Variants in MACC1 observed in about 807,000 individuals in gnomAD.
The protein encoded by MACC1 is MET transcriptional regulator MACC1, also known as metastasis-associated in colon cancer protein 1.
A neutral mutation model predicts 70.7 loss-of-function variants in MACC1; 79 were observed. The ratio of observed to expected loss-of-function variants is 1.12; its 90% confidence interval spans 0.93 to 1.35. MACC1 has a LOEUF of 1.35. Ranked by LOEUF, MACC1 falls within the 40% of genes most tolerant of loss-of-function variation. The probability of loss-of-function intolerance (pLI) is 0.00; values close to 1 mark genes in which losing one functional copy is unlikely to be tolerated. For synonymous variants in MACC1, 361 were observed against 347.2 expected (o/e 1.04, Z -0.44); for missense variants, 1,106 against 978.1 (o/e 1.13, Z -1.74).
chr7:20,207,944 T>C (rs961116065), intron 1 of MACC1, among the ~76,000 whole-genome samples: 3 of 152,148 alleles, frequency 2.0e-5, no homozygotes, highest in Non-Finnish European at 2.9e-5. Flanking sequence ...TGGGAGGTAA[T>C]TGAATCATGG....
Position 20,147,522 on chromosome 7 carries a change from C to T in MACC1, c.2347-6364G>A, listed in dbSNP as rs569141492. 2.0e-5 allele frequency: 3 copies of T among 152,278 alleles called. No homozygotes were observed. The South Asian group carries it at 6.2e-4, about 32-fold the overall frequency. The allele number at this position is 152,278 out of a possible 1,614,324, so 9.4% of individuals were successfully genotyped here. On this transcript the variant is annotated intron_variant, in intron 6 of 6. Coordinates refer to ENST00000400331, the MANE Select transcript of MACC1 (RefSeq NM_182762.4). ...TTCATGTGTTCTATCCTCAGTACAT[C>T]ATTTACAATATTCAGGTAAGCTTTA... is the stretch of plus-strand genomic sequence containing the variant.
intron 1 of MACC1, among the ~76,000 whole-genome samples, chr7:20,208,640 C>T (rs1476363662): frequency 6.6e-6 from 1 of 152,158 alleles, no homozygotes; most frequent in Non-Finnish European, 1.5e-5. Flanking sequence ...AATGTGCAGT[C>T]TGATGATGTG....
chr7:20,201,096 T>TC (rs1782827226), intron 1 of MACC1, among the ~76,000 whole-genome samples: 1 of 152,056 alleles, frequency 6.6e-6, no homozygotes, highest in East Asian at 1.9e-4. Context: ...TGAATCAAAT[T>TC]TAAGTGAATC....
intron 1 of MACC1, among the ~76,000 whole-genome samples, chr7:20,216,315 A>T (rs1473581964): frequency 6.6e-6 from 1 of 152,112 alleles, no homozygotes; most frequent in African/African-American, 2.4e-5. Flanking sequence ...TTAAAAATAA[A>T]TTTTTTAAAA....
intron 6 of MACC1, among the ~76,000 whole-genome samples, chr7:20,144,993 C>A (rs566211486): frequency 6.6e-6 from 1 of 152,278 alleles, no homozygotes; most frequent in Admixed American, 6.5e-5. Flanking sequence ...AAAGGACATG[C>A]ATTGGCTTGC....
At chr7:20,183,230 G>C (rs1354295637) in intron 1 of MACC1, among the ~76,000 whole-genome samples, 5 of 152,312 alleles carry the variant, frequency 3.3e-5, no homozygotes, top group Admixed American at 1.3e-4. Context: ...AGAAGAATTT[G>C]ACAAACCATT....
intron 1 of MACC1, among the ~76,000 whole-genome samples, chr7:20,215,088 TTA>T (rs749148407): frequency 2.0e-5 from 3 of 151,364 alleles, no homozygotes; most frequent in African/African-American, 4.8e-5. Context: ...GTTTATTTAT[TTA>T]TTTATTTATT....
At chr7:20,203,016 AT>A (rs1313116280) in intron 1 of MACC1, among the ~76,000 whole-genome samples, 1 of 152,154 alleles carries the variant, frequency 6.6e-6, no homozygotes, top group Non-Finnish European at 1.5e-5. Flanking sequence ...GTACAATTGT[AT>A]TTTTGTCCAC....
chr7:20,211,015 T>C (rs1782988986), intron 1 of MACC1, among the ~76,000 whole-genome samples: 1 of 152,182 alleles, frequency 6.6e-6, no homozygotes, highest in South Asian at 2.1e-4. Flanking sequence ...GAGATCTGCC[T>C]CCTATTATGT....
rs1037897924 is a variant in MACC1, at chr7:20,140,674, C to T, written c.*272G>A. 6.9e-5 allele frequency: 23 copies of T among 332,908 alleles called. No individual in the cohort carries two copies. In the East Asian group the frequency reaches 1.1e-3, roughly 16 times the overall value. The allele number at this position is 332,908 out of a possible 1,614,324, so 20.6% of individuals were successfully genotyped here. On this transcript the variant is annotated 3_prime_UTR_variant, in exon 7 of 7. Coordinates refer to ENST00000400331, the MANE Select transcript of MACC1 (RefSeq NM_182762.4). ...CTAATACTTGTATTTGAAACATACACAAAAATACATATTTGAGGATAAAAC... is the reference window on the plus strand; with the variant it reads ...CTAATACTTGTATTTGAAACATACATAAAAATACATATTTGAGGATAAAAC...
At chr7:20,143,926 T>C (rs1781848342) in intron 6 of MACC1, among the ~76,000 whole-genome samples, 1 of 152,180 alleles carries the variant, frequency 6.6e-6, no homozygotes, top group African/African-American at 2.4e-5. Context: ...AGCATTGGGC[T>C]GAAAACAATA....
Position 20,140,815 on chromosome 7 carries a change from ACAC to A in MACC1, c.*128_*130del, listed in dbSNP as rs1562578156. On this transcript the variant is annotated 3_prime_UTR_variant, in exon 7 of 7. Coordinates refer to ENST00000400331, the MANE Select transcript of MACC1 (RefSeq NM_182762.4). ...TTCTTTCTTTCCTACACACACACAC[ACAC>A]ACACACAGACACACACACACAGACA... 1,357 of 541,448 alleles carry A rather than the reference ACAC, an allele frequency of 2.5e-3. 16 individuals are homozygous for A. In the African/African-American group the frequency reaches 0.036, roughly 14 times the overall value. 33.5% of individuals were successfully genotyped at this position (541,448 alleles called of 1,614,324 possible).
Position 20,158,910 on chromosome 7 carries a change from T to C in MACC1, c.1451A>G (p.Asp484Gly). 3 of 1,613,990 alleles carry C rather than the reference T, an allele frequency of 1.9e-6. No individual in the cohort carries two copies. The highest frequency in any genetic ancestry group is 2.5e-6 in the Non-Finnish European group (3 of 1,180,000). ...GGGAGGCTCCACTTGAACACAAAAA[T>C]CAAACAAGTGCATCTCTCTGTGCTC... is the stretch of plus-strand genomic sequence containing the variant. ...LVEHREMHLFDFCVQVEPPNG... is the reference protein window; with the variant it reads ...LVEHREMHLFGFCVQVEPPNG... The change falls in exon 5 of 7, where the codon GAT becomes GGT. Residue 484 changes from aspartate (D) to glycine (G), a missense_variant. Physicochemically the swap from Asp to Gly is moderately conservative, Grantham distance 94. Transcript: ENST00000400331.
intron 1 of MACC1, among the ~76,000 whole-genome samples, chr7:20,185,784 A>T (rs559361813): frequency 2.5e-4 from 38 of 152,336 alleles, no homozygotes; most frequent in Non-Finnish European, 4.7e-4. Context: ...TTCTAAATGC[A>T]TGGTATCTAT....
chr7:20,216,958 G>C (rs1322667509), intron 1 of MACC1, among the ~76,000 whole-genome samples: 1 of 152,142 alleles, frequency 6.6e-6, no homozygotes, highest in Non-Finnish European at 1.5e-5. Context: ...GATATTTAAA[G>C]TTTTTAGGGG....
At chr7:20,202,017 G>A (rs1228594076) in intron 1 of MACC1, among the ~76,000 whole-genome samples, 1 of 152,144 alleles carries the variant, frequency 6.6e-6, no homozygotes. Flanking sequence ...GGTGTTTAGT[G>A]TGAATAAATA....
chr7:20,171,151 A>G (rs1013012785), intron 1 of MACC1, among the ~76,000 whole-genome samples: 1 of 152,200 alleles, frequency 6.6e-6, no homozygotes, highest in Non-Finnish European at 1.5e-5. Context: ...AAAGATGGAT[A>G]TTGATATAGA....
At chr7:20,203,281 G>A (rs570397716) in intron 1 of MACC1, among the ~76,000 whole-genome samples, 60 of 152,292 alleles carry the variant, frequency 3.9e-4, no homozygotes, top group African/African-American at 1.1e-3. Flanking sequence ...ATACAAGTGC[G>A]TATCTCCTCT....
At chr7:20,143,310 C>G (rs532461418) in intron 6 of MACC1, among the ~76,000 whole-genome samples, 1 of 152,218 alleles carries the variant, frequency 6.6e-6, no homozygotes, top group African/African-American at 2.4e-5. Context: ...AAAGGTCCGA[C>G]GACACATCTA....
Sources: allele counts gnomAD v4.1 joint callset (sites outside exome capture counted in the v4.1 genomes callset), GRCh38; gene constraint gnomAD v4.1.1; transcripts MANE v1.5; gene names NCBI Gene and HGNC (gene_info 2026-07-23, HGNC 2026-07-21).